Variants in PRKG1 observed in about 807,000 individuals in gnomAD.
The protein encoded by PRKG1 is protein kinase cGMP-dependent 1.
In PRKG1, 35 loss-of-function variants were observed where a neutral mutation model predicts 88.1. The ratio of observed to expected loss-of-function variants is 0.40; its 90% CI spans 0.30 to 0.53. The LOEUF (loss-of-function observed/expected upper bound fraction) is 0.53, where lower values mean the gene tolerates loss of function less well. Ranked by LOEUF, PRKG1 falls within the 20% of genes least tolerant of loss-of-function variation. The probability of loss-of-function intolerance (pLI) is 0.59; values close to 1 mark genes in which losing one functional copy is unlikely to be tolerated. For missense variants in PRKG1, 540 were observed against 839.8 expected, an observed-to-expected ratio of 0.64 and a Z score of 4.41; for synonymous variants, 303 against 292.5, an observed-to-expected ratio of 1.04 and a Z score of -0.37.
intron 3 of PRKG1, among the ~76,000 whole-genome samples, chr10:51,593,798 C>T (rs1024706640): frequency 2.6e-5 from 4 of 151,842 alleles, no homozygotes; most frequent in African/African-American, 9.7e-5. Context: ...GATCTTGGCT[C>T]ACTGCAACCT....
At chr10:51,215,009 C>T (rs2132079998) in intron 2 of PRKG1, among the ~76,000 whole-genome samples, 2 of 152,274 alleles carry the variant, frequency 1.3e-5, no homozygotes, top group Middle Eastern at 6.8e-3. Flanking sequence ...CTACCCTCAA[C>T]TCATTGGCTG....
intron 7 of PRKG1, among the ~76,000 whole-genome samples, chr10:52,103,044 A>G (rs907861468): frequency 6.6e-6 from 1 of 152,184 alleles, no homozygotes; most frequent in Admixed American, 6.5e-5. Context: ...TTAGATTCTT[A>G]TAGGAGCACA....
chr10:52,164,570 C>T (rs2132694158), intron 9 of PRKG1, among the ~76,000 whole-genome samples: 1 of 151,988 alleles, frequency 6.6e-6, no homozygotes, highest in African/African-American at 2.4e-5. Context: ...GCCTAGAAAA[C>T]ATTCATAAAA....
intron 3 of PRKG1, among the ~76,000 whole-genome samples, chr10:51,712,580 C>CT (rs60053336): frequency 0.053 from 5,095 of 96,038 alleles, 983 homozygotes; most frequent in Non-Finnish European, 0.074. Flanking sequence ...AATATTATTC[C>CT]TTTTTTTTTT....
At chr10:51,337,786 T>C (rs1841914061) in intron 2 of PRKG1, among the ~76,000 whole-genome samples, 1 of 152,160 alleles carries the variant, frequency 6.6e-6, no homozygotes, top group Non-Finnish European at 1.5e-5. Flanking sequence ...ATAGGAATGC[T>C]TTTACACTGT....
intron 3 of PRKG1, among the ~76,000 whole-genome samples, chr10:51,504,892 A>G (rs1192093340): frequency 1.3e-5 from 2 of 152,176 alleles, no homozygotes; most frequent in Non-Finnish European, 2.9e-5. Flanking sequence ...GGGGTTTTCT[A>G]GATATACAAT....
intron 4 of PRKG1, among the ~76,000 whole-genome samples, chr10:51,856,781 C>T (rs532391507): frequency 2.0e-5 from 3 of 151,572 alleles, no homozygotes; most frequent in African/African-American, 7.3e-5. Flanking sequence ...CTGGCTAACA[C>T]GGTGAAACCC....
At chr10:51,051,375 T>C (rs1308327490) in intron 1 of PRKG1, among the ~76,000 whole-genome samples, 1 of 152,158 alleles carries the variant, frequency 6.6e-6, no homozygotes, top group Non-Finnish European at 1.5e-5. Context: ...TTCATTTGCA[T>C]GTTAATATTC....
intron 3 of PRKG1, among the ~76,000 whole-genome samples, chr10:51,735,221 A>T (rs912178881): frequency 1.3e-5 from 2 of 152,130 alleles, no homozygotes; most frequent in South Asian, 4.1e-4. Flanking sequence ...TTTTATGAAG[A>T]ATACTTTCTA....
chr10:51,051,819 G>T (rs891649787), intron 1 of PRKG1, among the ~76,000 whole-genome samples: 1 of 152,096 alleles, frequency 6.6e-6, no homozygotes, highest in Non-Finnish European at 1.5e-5. Flanking sequence ...TTGCAAAGTT[G>T]CACTTCTGTA....
chr10:52,002,371 A>G (rs1310892951), intron 5 of PRKG1, among the ~76,000 whole-genome samples: 1 of 152,120 alleles, frequency 6.6e-6, no homozygotes, highest in Non-Finnish European at 1.5e-5. Context: ...GTTTCCACTC[A>G]GAGTTTGGTT....
At chr10:51,711,007 T>C (rs1841734107) in intron 3 of PRKG1, among the ~76,000 whole-genome samples, 1 of 152,176 alleles carries the variant, frequency 6.6e-6, no homozygotes, top group Non-Finnish European at 1.5e-5. Flanking sequence ...AGTGGGGTTT[T>C]CTTTTTTAAA....
chr10:52,048,509 A>G (rs1845913658), intron 5 of PRKG1, among the ~76,000 whole-genome samples: 1 of 152,208 alleles, frequency 6.6e-6, no homozygotes, highest in Admixed American at 6.5e-5. Context: ...ATATTCACCA[A>G]GGAGTCACCA....
At chr10:51,219,771 AAT>A (rs1838478319) in intron 2 of PRKG1, among the ~76,000 whole-genome samples, 1 of 152,114 alleles carries the variant, frequency 6.6e-6, no homozygotes, top group Non-Finnish European at 1.5e-5. Context: ...TTAAATTTCA[AAT>A]AGAGAGGAAG....
chr10:52,215,614 A>C (rs1424888461), intron 9 of PRKG1, among the ~76,000 whole-genome samples: 1 of 152,214 alleles, frequency 6.6e-6, no homozygotes. Context: ...TCATACATTC[A>C]TACATGTTTC....
intron 5 of PRKG1, among the ~76,000 whole-genome samples, chr10:52,045,258 T>A (rs1845835280): frequency 6.6e-6 from 1 of 151,996 alleles, no homozygotes; most frequent in South Asian, 2.1e-4. Flanking sequence ...ATCTGTCCTA[T>A]CTAGTGGGGA....
At chr10:51,484,430 A>G (rs565269072) in intron 3 of PRKG1, among the ~76,000 whole-genome samples, 1 of 152,218 alleles carries the variant, frequency 6.6e-6, no homozygotes, top group South Asian at 2.1e-4. Flanking sequence ...GGACCGGGTC[A>G]TAAGACTGAC....
At chr10:51,754,146 C>G (rs146874110) in intron 3 of PRKG1, among the ~76,000 whole-genome samples, 72 of 152,164 alleles carry the variant, frequency 4.7e-4, no homozygotes, top group African/African-American at 1.6e-3. Flanking sequence ...TGGCTCTTCT[C>G]TTAGTTTGAT....
intron 1 of PRKG1, among the ~76,000 whole-genome samples, chr10:51,081,371 G>C (rs1449314389): frequency 6.6e-6 from 1 of 152,226 alleles, no homozygotes; most frequent in East Asian, 1.9e-4. Context: ...GACTGGAAAA[G>C]AGCTTGCAAG....
Sources: gnomAD v4.1 joint callset for allele counts (sites outside exome capture counted in the v4.1 genomes callset) on GRCh38, gnomAD v4.1.1 for gene constraint, MANE v1.5 for transcripts, NCBI Gene and HGNC (gene_info 2026-07-23, HGNC 2026-07-21) for gene names.